Variants in ZNF66 observed in about 807,000 individuals in gnomAD.
ZNF66 encodes putative zinc finger protein 66.
In ZNF66, 32 loss-of-function variants were observed where a neutral mutation model predicts 35.2. That is an observed-to-expected ratio of 0.91 (90% confidence interval 0.69 to 1.22). The LOEUF is 1.22. Among genes scored for constraint, ZNF66 ranks in the 50% most tolerant of loss-of-function variants. The pLI is 0.00. For synonymous variants in ZNF66, 231 were observed against 181.3 expected, an observed-to-expected ratio of 1.27 and a Z score of -2.20; for missense variants, 666 against 543.1, an observed-to-expected ratio of 1.23 and a Z score of -2.25.
chr19:20,804,044 T>C lies in ZNF66; in HGVS notation c.227-1783T>C, dbSNP rs893440121. Among the ~76,000 whole-genome samples the C allele has an allele frequency of 7.2e-5, 11 of 152,142 alleles. 1 individual carries two copies. Among genetic ancestry groups the C allele is most frequent in the Non-Finnish European group, 1.6e-4 (11 of 67,986 alleles). On this transcript the variant is annotated intron_variant, in intron 3 of 3. Transcript: ENST00000344519. ...TCTGTGATTTTTGAAATTTTGCTTA[T>C]TATGTGTGTTTGTTATAAATATCTT...
At chr19:20,781,065 G>C (rs1304059856) in intron 1 of ZNF66, among the ~76,000 whole-genome samples, 1 of 152,146 alleles carries the variant, frequency 6.6e-6, no homozygotes, top group Non-Finnish European at 1.5e-5. Flanking sequence ...ATCTGCAGCA[G>C]CAACCAGTTT....
intron 3 of ZNF66, chr19:20,799,065 C>CTTTTTCTTTCTTTT (rs1555783172): frequency 7.8e-6 from 1 of 128,156 alleles, no homozygotes; most frequent in Admixed American, 8.0e-5. Context: ...TTCTTTCTTT[C>CTTTTTCTTTCTTTT]TTTTTTTTTT....
intron 1 of ZNF66, among the ~76,000 whole-genome samples, chr19:20,778,847 G>A (rs1349386659): frequency 6.7e-6 from 1 of 150,212 alleles, no homozygotes; most frequent in Non-Finnish European, 1.5e-5. Context: ...CTGCGTTTGA[G>A]TAATTTCCCT....
rs1426636690 is a variant in ZNF66, at chr19:20,807,254, C to T, written c.1654C>T (p.Leu552Phe). 1 of 702,124 alleles carries T rather than the reference C, an allele frequency of 1.4e-6. No homozygotes were observed. Among genetic ancestry groups the T allele is most frequent in the Admixed American group, 2.4e-5 (1 of 41,820 alleles). The allele number at this position is 702,124 out of a possible 1,614,324, so 43.5% of individuals were successfully genotyped here. A position where few individuals can be genotyped will look rare whatever the true frequency, so the allele number is the denominator to read the frequency against. ...CGKAFISSSN[L>F]SRHEIIHMGG... is the part of the protein sequence containing the mutation. ...CAAAGCCTTTATTTCATCCTCAAACCTTAGTAGACATGAGATAATTCATAT... is the reference window on the plus strand; with the variant it reads ...CAAAGCCTTTATTTCATCCTCAAACTTTAGTAGACATGAGATAATTCATAT... Residue 552 changes from leucine to phenylalanine, a missense_variant, in exon 4 of 4, where the codon CTT (leucine) becomes TTT (phenylalanine). By Grantham distance (22) the Leu-to-Phe change is conservative. Coordinates refer to ENST00000344519, the MANE Select transcript of ZNF66 (RefSeq NM_001355197.2).
At chr19:20,796,263 T>C (rs77152606) in intron 3 of ZNF66, among the ~76,000 whole-genome samples, 6,366 of 152,232 alleles carry the variant, frequency 0.042, 216 homozygotes, top group South Asian at 0.12. Context: ...ATAGGGACTT[T>C]TAATCTTTTC....
At chr19:20,791,440 G>A (rs190758033) in intron 1 of ZNF66, among the ~76,000 whole-genome samples, 114 of 147,672 alleles carry the variant, frequency 7.7e-4, no homozygotes, top group South Asian at 2.4e-3. Flanking sequence ...AGCTGAGATC[G>A]TGCCATTGCA....
At chr19:20,793,686 C>T in intron 2 of ZNF66, 97 bp from the exon 3 acceptor site, 2 of 479,116 alleles carry the variant, frequency 4.2e-6, no homozygotes, top group Non-Finnish European at 3.7e-6. Context: ...TATTAATTTA[C>T]TAGAATATTT....
At chr19:20,783,962 T>C (rs1479016699) in intron 1 of ZNF66, among the ~76,000 whole-genome samples, 1 of 152,194 alleles carries the variant, frequency 6.6e-6, no homozygotes, top group Admixed American at 6.5e-5. Flanking sequence ...ATTCAAGTGA[T>C]TCTCCTGCCT....
At chr19:20,797,617 G>A (rs146680427) in intron 3 of ZNF66, among the ~76,000 whole-genome samples, 3 of 151,238 alleles carry the variant, frequency 2.0e-5, no homozygotes, top group African/African-American at 7.3e-5. Context: ...AGGCTGGAGT[G>A]CATTGGCGTG....
chr19:20,805,126 T>TGTGA (rs752355466), intron 3 of ZNF66, among the ~76,000 whole-genome samples: 18 of 146,082 alleles, frequency 1.2e-4, no homozygotes, highest in South Asian at 6.6e-4. Context: ...TGTGTGTGTG[T>TGTGA]GAGAGAGAGA....
chr19:20,797,555 G>T (rs1599552350), intron 3 of ZNF66, among the ~76,000 whole-genome samples: 2 of 145,916 alleles, frequency 1.4e-5, no homozygotes, highest in Admixed American at 6.8e-5. Context: ...ATATTAGTGT[G>T]TTTTTCAGTG....
intron 1 of ZNF66, chr19:20,784,608 G>C (rs1011590238): frequency 6.6e-5 from 10 of 152,116 alleles, no homozygotes; most frequent in African/African-American, 2.4e-4. Context: ...AAAAAGTGTT[G>C]TTTGAAGTTG....
chr19:20,792,467 C>A, intron 1 of ZNF66, 45 bp from the exon 2 acceptor site: 2 of 1,433,912 alleles, frequency 1.4e-6, no homozygotes, highest in East Asian at 2.3e-5. Flanking sequence ...TTAAAAATTC[C>A]GCCCATAACC....
At chr19:20,784,640 AC>A (rs764165890) in intron 1 of ZNF66, 2 of 152,140 alleles carry the variant, frequency 1.3e-5, no homozygotes, top group Admixed American at 1.3e-4. Flanking sequence ...TCAATATAGA[AC>A]CCCCATTCAA....
At chr19:20,795,589 ACTC>A (rs1456233856) in intron 3 of ZNF66, among the ~76,000 whole-genome samples, 1 of 150,246 alleles carries the variant, frequency 6.7e-6, no homozygotes, top group African/African-American at 2.5e-5. Flanking sequence ...CTGGTCTTGA[ACTC>A]CTGACCTCAG....
Position 20,792,397 on chromosome 19 carries a change from TAGTCAGTCCTATA to T in ZNF66, c.4-108_4-96del, listed in dbSNP as rs534753593. Reference sequence around the variant, plus strand: ...TGAAAATTATTTTATAGGATAACTTTAGTCAGTCCTATAAGTCAGAACCAGTTATCTTTACTCT... The same window carrying T: ...TGAAAATTATTTTATAGGATAACTTTAGTCAGAACCAGTTATCTTTACTCT... On this transcript the variant is annotated intron_variant, in intron 1 of 3. Coordinates refer to ENST00000344519, the MANE Select transcript of ZNF66 (RefSeq NM_001355197.2). 1.9e-4 allele frequency: 175 copies of T among 918,952 alleles called. No homozygotes were observed. The African/African-American group carries it at 2.8e-3, about 15-fold the overall frequency. The allele number at this position is 918,952 out of a possible 1,614,324, so 56.9% of individuals were successfully genotyped here.
chr19:20,785,541 A>G (rs946543532), intron 1 of ZNF66, among the ~76,000 whole-genome samples: 1 of 152,184 alleles, frequency 6.6e-6, no homozygotes, highest in Non-Finnish European at 1.5e-5. Flanking sequence ...TATGTGTGAC[A>G]TGGTGCTATA....
chr19:20,787,325 T>G (rs73007886), intron 1 of ZNF66, among the ~76,000 whole-genome samples: 1 of 152,082 alleles, frequency 6.6e-6, no homozygotes, highest in Non-Finnish European at 1.5e-5. Flanking sequence ...CAGCCTTTTT[T>G]AATATATATA....
intron 1 of ZNF66, among the ~76,000 whole-genome samples, chr19:20,781,657 T>C (rs191441108): frequency 6.6e-6 from 1 of 152,042 alleles, no homozygotes; most frequent in East Asian, 2.0e-4. Context: ...TACAGGTGCA[T>C]TCCACCATGC....
Sources: allele counts gnomAD v4.1 joint callset (sites outside exome capture counted in the v4.1 genomes callset), GRCh38; gene constraint gnomAD v4.1.1; transcripts MANE v1.5; gene names NCBI Gene and HGNC (gene_info 2026-07-23, HGNC 2026-07-21).